Variants in C10orf67 observed in about 807,000 individuals in gnomAD.
The protein encoded by C10orf67 is chromosome 10 open reading frame 67, also known as uncharacterized protein C10orf67, mitochondrial.
Under a neutral mutation model 35.6 loss-of-function variants are expected in C10orf67, and 60 were observed. The ratio of observed to expected loss-of-function variants is 1.68; its 90% confidence interval spans 1.37 to 2.09. C10orf67 has a LOEUF of 2.09. Ranked by LOEUF, C10orf67 falls within the 30% of genes most tolerant of loss-of-function variation. C10orf67 has a pLI of 0.00. For missense variants in C10orf67, 474 were observed against 330.2 expected, an observed-to-expected ratio of 1.44 and a Z score of -3.38; for synonymous variants, 167 against 115.8, an observed-to-expected ratio of 1.44 and a Z score of -2.84.
At chr10:23,237,685 A>G (rs1211033423) in intron 13 of C10orf67, among the ~76,000 whole-genome samples, 2 of 152,242 alleles carry the variant, frequency 1.3e-5, no homozygotes, top group Non-Finnish European at 2.9e-5. Flanking sequence ...GACATAGCAA[A>G]GTATAAACTG....
At chr10:23,287,371 G>A (rs1039175279) in intron 7 of C10orf67, among the ~76,000 whole-genome samples, 3 of 152,112 alleles carry the variant, frequency 2.0e-5, no homozygotes, top group African/African-American at 7.2e-5. Context: ...AACAAGCAAT[G>A]GGGAAAGGAT....
At chr10:23,287,704 T>A (rs1843590457) in intron 7 of C10orf67, among the ~76,000 whole-genome samples, 1 of 151,846 alleles carries the variant, frequency 6.6e-6, no homozygotes. Context: ...AATGAGAAAA[T>A]CTTTGCAATC....
intron 13 of C10orf67, among the ~76,000 whole-genome samples, chr10:23,232,201 T>C (rs530200011): frequency 6.6e-6 from 1 of 152,220 alleles, no homozygotes; most frequent in African/African-American, 2.4e-5. Context: ...CATGGGTTAT[T>C]TAACAGTTTG....
At chr10:23,226,949 T>A (rs1249022966) in intron 13 of C10orf67, among the ~76,000 whole-genome samples, 3 of 152,142 alleles carry the variant, frequency 2.0e-5, no homozygotes, top group Non-Finnish European at 4.4e-5. Flanking sequence ...CAATAATTAA[T>A]AGCCTTCCAA....
chr10:23,249,160 A>T (rs925999316), intron 12 of C10orf67, among the ~76,000 whole-genome samples: 32 of 138,388 alleles, frequency 2.3e-4, no homozygotes, highest in Admixed American at 1.2e-3. Context: ...AAAAAAAAAA[A>T]GAAAACTGAT....
chr10:23,292,212 A>G (rs1443923250), intron 5 of C10orf67, among the ~76,000 whole-genome samples: 1 of 128,342 alleles, frequency 7.8e-6, no homozygotes. Flanking sequence ...AAAGCTATTG[A>G]AAACATCTGA....
chr10:23,328,082 TA>T (rs1218532804), intron 2 of C10orf67, among the ~76,000 whole-genome samples: 1 of 152,184 alleles, frequency 6.6e-6, no homozygotes, highest in Non-Finnish European at 1.5e-5. Context: ...TAAATACTAA[TA>T]AAAATACTAT....
intron 7 of C10orf67, among the ~76,000 whole-genome samples, chr10:23,285,374 T>A (rs1843499897): frequency 1.3e-5 from 2 of 148,328 alleles, no homozygotes; most frequent in African/African-American, 2.4e-5. Flanking sequence ...TTGTTATATA[T>A]ATTATATTAT....
At chr10:23,219,607 C>A (rs1841522474) in intron 15 of C10orf67, among the ~76,000 whole-genome samples, 1 of 152,056 alleles carries the variant, frequency 6.6e-6, no homozygotes, top group South Asian at 2.1e-4. Flanking sequence ...TTTTAATCCC[C>A]TTAGAGTAAC....
At chr10:23,337,657 A>T in intron 1 of C10orf67, among the ~76,000 whole-genome samples, 2 of 152,364 alleles carry the variant, frequency 1.3e-5, no homozygotes. Flanking sequence ...AGAATGGTAA[A>T]TTTAAAATAG....
intron 4 of C10orf67, among the ~76,000 whole-genome samples, chr10:23,308,227 T>C (rs1360577487): frequency 6.6e-6 from 1 of 152,182 alleles, no homozygotes; most frequent in Non-Finnish European, 1.5e-5. Flanking sequence ...CCTCGTCACC[T>C]TCTTTCCTGT....
At chr10:23,263,930 G>A (rs756466058) in intron 10 of C10orf67, among the ~76,000 whole-genome samples, 1 of 152,124 alleles carries the variant, frequency 6.6e-6, no homozygotes, top group Non-Finnish European at 1.5e-5. Flanking sequence ...TTTCAGACTG[G>A]CTAAACACTC....
intron 12 of C10orf67, among the ~76,000 whole-genome samples, chr10:23,249,160 A>AAAAAT (rs1842386236): frequency 7.2e-6 from 1 of 138,264 alleles, no homozygotes; most frequent in African/African-American, 2.9e-5. Flanking sequence ...AAAAAAAAAA[A>AAAAAT]GAAAACTGAT....
rs1844999276 is a variant in C10orf67, at chr10:23,322,508, C to T, written c.357G>A (p.Gly119=). The change falls in exon 3 of 16, where the codon GGG becomes GGA. Residue 119 remains glycine (G), a synonymous_variant. Coordinates refer to ENST00000636213, the MANE Select transcript of C10orf67 (RefSeq NM_001371909.1). ...QMMKSLQVDF[G]FLKQLLQLKF... ...TCAACTGAAGCAATTGTTTGAGGAA[C>T]CCAAAATCTACCTGGAGGGATTTCA... The T allele has an allele frequency of 6.2e-7, 1 of 1,610,036 alleles. No individual in the cohort carries two copies. Among genetic ancestry groups the T allele is most frequent in the African/African-American group, 1.3e-5 (1 of 74,786 alleles).
chr10:23,282,819 T>C (rs1448650816), intron 7 of C10orf67, among the ~76,000 whole-genome samples: 1 of 152,100 alleles, frequency 6.6e-6, no homozygotes, highest in Non-Finnish European at 1.5e-5. Flanking sequence ...AACAAGACCC[T>C]GTCTTTAAAC....
intron 11 of C10orf67, 34 bp downstream of exon 11, chr10:23,250,578 T>C (rs1480470116): frequency 2.5e-6 from 1 of 398,538 alleles, no homozygotes; most frequent in East Asian, 3.6e-5. Context: ...ACATTATATC[T>C]CATTACCAGT....
At chr10:23,280,431 A>G (rs1843334929) in intron 8 of C10orf67, among the ~76,000 whole-genome samples, 1 of 152,210 alleles carries the variant, frequency 6.6e-6, no homozygotes, top group Non-Finnish European at 1.5e-5. Context: ...CAACAAGGCC[A>G]GGCTGCCTCC....
At chr10:23,263,298 GA>G (rs1451597651) in intron 10 of C10orf67, among the ~76,000 whole-genome samples, 4 of 152,078 alleles carry the variant, frequency 2.6e-5, no homozygotes, top group African/African-American at 9.7e-5. Context: ...GCATCTAGGA[GA>G]AAAATAGTAA....
intron 10 of C10orf67, among the ~76,000 whole-genome samples, chr10:23,254,921 A>G (rs1186071007): frequency 6.6e-6 from 1 of 152,170 alleles, no homozygotes; most frequent in African/African-American, 2.4e-5. Context: ...TATACCCTTT[A>G]AATCGTCGAA....
Sources: gnomAD v4.1 joint callset for allele counts (sites outside exome capture counted in the v4.1 genomes callset) on GRCh38, gnomAD v4.1.1 for gene constraint, MANE v1.5 for transcripts, NCBI Gene and HGNC (gene_info 2026-07-23, HGNC 2026-07-21) for gene names.